BICRAL: variants seen among roughly 807,000 people sequenced by gnomAD.
The protein encoded by BICRAL is BICRA like chromatin remodeling complex associated protein, also known as BRD4-interacting chromatin-remodeling complex-associated protein-like.
BICRAL carries 8 observed loss-of-function variants against 91.8 expected under a neutral mutation model. That is an observed-to-expected ratio of 0.09 (90% CI 0.05 to 0.16). The LOEUF is 0.16. Among genes scored for constraint, BICRAL ranks in the 10% least tolerant of loss-of-function variants. BICRAL has a pLI of 1.00. For missense variants in BICRAL, 1,038 were observed against 1,310.9 expected, an observed-to-expected ratio of 0.79 and a Z score of 3.21; for synonymous variants, 445 against 491.1, an observed-to-expected ratio of 0.91 and a Z score of 1.24.
intron 6 of BICRAL, among the ~76,000 whole-genome samples, chr6:42,848,708 G>T (rs115762943): frequency 1.8e-3 from 279 of 152,160 alleles, no homozygotes; most frequent in African/African-American, 6.2e-3. Context: ...GCCAGGCTTG[G>T]TGGCACACAC....
In BICRAL at chr6:42,860,373, T is replaced by G. The variant is rs1194273198; in HGVS notation, c.2349+17T>G. 6.8e-7 allele frequency: 1 copy of G among 1,463,706 alleles called. No individual in the cohort carries two copies. The highest frequency in any genetic ancestry group is 9.6e-7 in the Non-Finnish European group (1 of 1,045,284). 90.7% of individuals were successfully genotyped at this position (1,463,706 alleles called of 1,614,324 possible). A position where few individuals can be genotyped will look rare whatever the true frequency, so the allele number is the denominator to read the frequency against. ...GATGCCATGGTAAAAGTCATGCTAC[T>G]GATATTTGTTCTTTAAAACTTTACA... On this transcript the variant is annotated intron_variant, in intron 11 of 12. Coordinates refer to ENST00000314073, the MANE Select transcript of BICRAL (RefSeq NM_001393499.1).
upstream of BICRAL, among the ~76,000 whole-genome samples, chr6:42,778,938 C>A (rs892248604): frequency 6.6e-6 from 1 of 152,004 alleles, no homozygotes; most frequent in Non-Finnish European, 1.5e-5. Flanking sequence ...CTGCCTCAGC[C>A]TCCTGAGTAG....
At chr6:42,775,669 T>C (rs796094232) in intron 1 of BICRAL, among the ~76,000 whole-genome samples, 62 of 152,278 alleles carry the variant, frequency 4.1e-4, no homozygotes, top group African/African-American at 1.4e-3. Context: ...TTTTTTTTAT[T>C]ATTAACAGCT....
intron 1 of BICRAL, among the ~76,000 whole-genome samples, chr6:42,761,821 G>A (rs989864703): frequency 2.0e-5 from 3 of 152,046 alleles, no homozygotes; most frequent in African/African-American, 7.2e-5. Flanking sequence ...GGCTGAGATC[G>A]GAGGATGACT....
chr6:42,825,206 G>A (rs1203921465), intron 5 of BICRAL, among the ~76,000 whole-genome samples: 1 of 146,218 alleles, frequency 6.8e-6, no homozygotes, highest in Non-Finnish European at 1.5e-5. Context: ...GTTACAGTGA[G>A]CCAAGATCAC....
rs185508280 is a variant in BICRAL, at chr6:42,764,817, G to A, written c.-260-17022G>A. Reference sequence around the variant, plus strand: ...TGGTACTACAGGCGTGTGCCACCACGCCTGGCTAAGTTTTTGTATTTTTAG... The same window carrying A: ...TGGTACTACAGGCGTGTGCCACCACACCTGGCTAAGTTTTTGTATTTTTAG... On this transcript the variant is annotated intron_variant, in intron 1 of 14. Coordinates refer to the BICRAL transcript ENST00000614467. Among the ~76,000 whole-genome samples, 159 of 152,048 alleles carry A rather than the reference G, an allele frequency of 1.0e-3. 1 individual carries two copies. The highest frequency in any genetic ancestry group is 4.3e-3 in the Admixed American group (65 of 15,264).
intron 2 of BICRAL, among the ~76,000 whole-genome samples, chr6:42,815,595 C>G (rs13214329): frequency 1.3e-5 from 2 of 152,092 alleles, no homozygotes; most frequent in South Asian, 2.1e-4. Context: ...GATTTTCTCC[C>G]TCTGTGTGGA....
At chr6:42,779,223 AACACACACACACACACACACACAC>A (rs57493144), upstream of BICRAL, among the ~76,000 whole-genome samples, 70 of 132,524 alleles carry the variant, frequency 5.3e-4, no homozygotes, top group African/African-American at 1.3e-3. Flanking sequence ...TCTCAAGAAA[AACACACACACACACACACACACAC>A]ACACACACAC....
chr6:42,747,692 G>A (rs1462119681), intron 1 of BICRAL, among the ~76,000 whole-genome samples: 1 of 152,234 alleles, frequency 6.6e-6, no homozygotes, highest in Non-Finnish European at 1.5e-5. Context: ...CGATGGAAAA[G>A]GGGGTGCCGA....
intron 2 of BICRAL, among the ~76,000 whole-genome samples, chr6:42,813,961 C>G (rs542189676): frequency 9.2e-5 from 14 of 152,118 alleles, no homozygotes; most frequent in Admixed American, 8.5e-4. Context: ...ATGAAGAACA[C>G]TAGAAGTAGT....
intron 1 of BICRAL, among the ~76,000 whole-genome samples, chr6:42,759,591 A>G (rs1270812627): frequency 6.6e-6 from 1 of 152,144 alleles, no homozygotes; most frequent in African/African-American, 2.4e-5. Flanking sequence ...GTCTGTGGTG[A>G]TCTTGGTACC....
In BICRAL at chr6:42,819,240, G is replaced by A. The variant is rs952734484; in HGVS notation, c.-5-2778G>A. 2.6e-5 allele frequency among the ~76,000 whole-genome samples: 4 copies of A among 152,102 alleles called. No homozygotes were observed. The South Asian group carries it at 6.2e-4, about 24-fold the overall frequency. ...AATTCTTCACTTTTAGGTCATTAGT[G>A]ACTGATCTTCAGATTATCTTCTCGT... On this transcript the variant is annotated intron_variant, in intron 2 of 12. Coordinates refer to ENST00000314073, the MANE Select transcript of BICRAL (RefSeq NM_001393499.1).
chr6:42,769,220 T>G (rs562355022), intron 1 of BICRAL, among the ~76,000 whole-genome samples: 51 of 152,300 alleles, frequency 3.3e-4, no homozygotes, highest in African/African-American at 1.1e-3. Flanking sequence ...ATGATCTGTT[T>G]CCAAGCTCAC....
At chr6:42,822,668 T>C in intron 3 of BICRAL, 128 bp from the exon 4 acceptor site, 1 of 549,928 alleles carries the variant, frequency 1.8e-6, no homozygotes, top group Non-Finnish European at 3.2e-6. Flanking sequence ...CTACTAATAG[T>C]TTTAAAATAG....
intron 1 of BICRAL, among the ~76,000 whole-genome samples, chr6:42,794,708 C>T (rs376598307): frequency 5.7e-4 from 86 of 149,908 alleles, no homozygotes; most frequent in Non-Finnish European, 9.7e-4. Flanking sequence ...TAGCAGTTTG[C>T]GAGGCTGAGG....
Position 42,864,759 on chromosome 6 carries a change from C to T in BICRAL, c.2553C>T (p.Ser851=). 1.9e-6 allele frequency: 3 copies of T among 1,614,190 alleles called. No individual in the cohort carries two copies. Among genetic ancestry groups the T allele is most frequent in the Non-Finnish European group, 2.5e-6 (3 of 1,180,004 alleles). The part of the protein sequence containing the change: ...RSDQHGSKAS[S]SLQPPAKAQG... The stretch of plus-strand genomic sequence containing the variant: ...ACCAGCATGGCAGTAAAGCAAGCAG[C>T]TCTCTGCAACCGCCAGCCAAGGCCC... Residue 851 remains serine, a synonymous_variant, in exon 13 of 13, where the codon AGC becomes AGT. Coordinates refer to ENST00000314073, the MANE Select transcript of BICRAL (RefSeq NM_001393499.1).
At chr6:42,848,907 C>T (rs1765097781) in intron 6 of BICRAL, among the ~76,000 whole-genome samples, 1 of 152,150 alleles carries the variant, frequency 6.6e-6, no homozygotes, top group African/African-American at 2.4e-5. Context: ...GGACACCTGT[C>T]CAGGTGTCCA....
chr6:42,812,370 A>T (rs919741202), intron 2 of BICRAL, among the ~76,000 whole-genome samples: 2 of 152,144 alleles, frequency 1.3e-5, no homozygotes, highest in Non-Finnish European at 2.9e-5. Context: ...AGGCAGGAGG[A>T]TCACTTGAGA....
chr6:42,770,991 C>G (rs1236871619), intron 1 of BICRAL, among the ~76,000 whole-genome samples: 1 of 152,220 alleles, frequency 6.6e-6, no homozygotes, highest in Non-Finnish European at 1.5e-5. Context: ...CCTCCCCTCT[C>G]TGAACAGGAT....
Sources: gnomAD v4.1 joint callset for allele counts (sites outside exome capture counted in the v4.1 genomes callset) on GRCh38, gnomAD v4.1.1 for gene constraint, MANE v1.5 for transcripts, NCBI Gene and HGNC (gene_info 2026-07-23, HGNC 2026-07-21) for gene names.